GALNTL6: variants seen among roughly 807,000 people sequenced by gnomAD.
The protein encoded by GALNTL6 is polypeptide N-acetylgalactosaminyltransferase-like 6.
Under a neutral mutation model 73.7 loss-of-function variants are expected in GALNTL6, and 46 were observed. The observed-to-expected ratio is 0.62, with a 90% confidence interval of 0.49 to 0.80. The LOEUF is 0.80. GALNTL6 is among the 30% of genes least tolerant of loss of function. The pLI is 0.00. For missense variants in GALNTL6, 604 were observed against 755.0 expected (o/e 0.80, Z 2.34); for synonymous variants, 259 against 263.7 (o/e 0.98, Z 0.17).
At chr4:172,403,736 G>A (rs756636039) in intron 5 of GALNTL6, among the ~76,000 whole-genome samples, 4 of 151,858 alleles carry the variant, frequency 2.6e-5, no homozygotes, top group Admixed American at 6.6e-5. Flanking sequence ...ATTTACATTC[G>A]ATTTCCAAAG....
chr4:172,960,867 AATGGAGGGTGGAAGGCTGCCC>A (rs780654917), intron 10 of GALNTL6, among the ~76,000 whole-genome samples: 19 of 152,090 alleles, frequency 1.2e-4, no homozygotes, highest in Non-Finnish European at 2.5e-4. Context: ...AAGAAGGAGG[AATGGAGGGTGGAAGGCTGCCC>A]ATAGTGAAGG....
chr4:172,178,200 A>G (rs1157064195), intron 2 of GALNTL6, among the ~76,000 whole-genome samples: 1 of 152,156 alleles, frequency 6.6e-6, no homozygotes, highest in East Asian at 1.9e-4. Flanking sequence ...TTGTTATAAG[A>G]ATTAGAGATA....
At chr4:172,540,052 T>C (rs889761309) in intron 5 of GALNTL6, among the ~76,000 whole-genome samples, 1 of 90,096 alleles carries the variant, frequency 1.1e-5, no homozygotes, top group African/African-American at 3.5e-5. Context: ...TCTTTCTTTC[T>C]TTTTTTTTTT....
intron 2 of GALNTL6, among the ~76,000 whole-genome samples, chr4:172,138,490 TATATATATATA>T (rs1733700775): frequency 1.5e-4 from 1 of 6,580 alleles, no homozygotes; most frequent in Non-Finnish European, 5.7e-4. Context: ...TATATATATA[TATATATATATA>T]TATATATATA....
chr4:172,886,876 T>C (rs1339127425), intron 8 of GALNTL6, among the ~76,000 whole-genome samples: 1 of 152,206 alleles, frequency 6.6e-6, no homozygotes, highest in Non-Finnish European at 1.5e-5. Flanking sequence ...TGCAGGATTG[T>C]TACAAGCAAA....
chr4:172,690,483 G>A (rs1418301361), intron 5 of GALNTL6, among the ~76,000 whole-genome samples: 1 of 152,104 alleles, frequency 6.6e-6, no homozygotes. Context: ...AGATTTTAAT[G>A]TGCCTAATAA....
chr4:172,277,546 A>G (rs934883350), intron 3 of GALNTL6, among the ~76,000 whole-genome samples: 4 of 152,194 alleles, frequency 2.6e-5, no homozygotes, highest in African/African-American at 9.6e-5. Flanking sequence ...CACGTAATTC[A>G]ACCTTGGAGG....
rs1182269089 is a variant in GALNTL6 at position 172,101,257 on chromosome 4, T to G, written c.139-128399T>G. Reference sequence around the variant, plus strand: ...TCCTCTAGGATCCAGGAATCCTGCCTGGGTACTTTGACCACTTTCTATGCT... The same window carrying G: ...TCCTCTAGGATCCAGGAATCCTGCCGGGGTACTTTGACCACTTTCTATGCT... On this transcript the variant is annotated intron_variant, in intron 2 of 12. Coordinates refer to ENST00000506823, the MANE Select transcript of GALNTL6 (RefSeq NM_001034845.3). 2.0e-5 allele frequency among the ~76,000 whole-genome samples: 3 copies of G among 152,314 alleles called. No individual in the cohort carries two copies. The East Asian group carries it at 5.8e-4, about 29-fold the overall frequency.
rs142809608 is a variant in GALNTL6, at chr4:172,998,155, G to A, written c.1372-11023G>A. On this transcript the variant is annotated intron_variant, in intron 10 of 12. Coordinates refer to ENST00000506823, the MANE Select transcript of GALNTL6 (RefSeq NM_001034845.3). ...ACAAGATAGGAAGAAAATCTCTGCA[G>A]GCATAATTTGAAGGAAAGGCACTAG... Among the ~76,000 whole-genome samples the A allele has an allele frequency of 1.4e-3, 208 of 152,286 alleles. 1 individual carries two copies. The highest frequency in any genetic ancestry group is 4.9e-3 in the African/African-American group (202 of 41,540).
At chr4:172,752,418 G>A (rs1047429058) in intron 5 of GALNTL6, among the ~76,000 whole-genome samples, 25 of 151,990 alleles carry the variant, frequency 1.6e-4, no homozygotes, top group African/African-American at 6.0e-4. Context: ...ATCCAATTTT[G>A]CACTTCAAAT....
In GALNTL6 at chr4:172,515,908, C is replaced by T. The variant is rs145219639; in HGVS notation, c.553+167219C>T. ...CAGAACTGTGCCTTTGCACTCTGCT[C>T]GAACCCTTCACCACCCTCAGACCCA... is the stretch of plus-strand genomic sequence containing the variant. On this transcript the variant is annotated intron_variant, in intron 5 of 12. Coordinates refer to ENST00000506823, the MANE Select transcript of GALNTL6 (RefSeq NM_001034845.3). 5.3e-5 allele frequency among the ~76,000 whole-genome samples: 8 copies of T among 152,292 alleles called. No homozygotes were observed. In the East Asian group the frequency reaches 1.5e-3, roughly 29 times the overall value.
intron 5 of GALNTL6, among the ~76,000 whole-genome samples, chr4:172,481,303 C>A (rs934621846): frequency 6.7e-6 from 1 of 148,162 alleles, no homozygotes; most frequent in African/African-American, 2.5e-5. Flanking sequence ...AGTGAAGCTG[C>A]AGACCTTCAT....
At chr4:171,839,420 A>T (rs1408464746) in intron 2 of GALNTL6, among the ~76,000 whole-genome samples, 1 of 152,098 alleles carries the variant, frequency 6.6e-6, no homozygotes, top group East Asian at 1.9e-4. Flanking sequence ...AGGGAAAATA[A>T]AGTCTTTGGT....
At chr4:172,694,680 G>T (rs754045319) in intron 5 of GALNTL6, among the ~76,000 whole-genome samples, 1 of 152,310 alleles carries the variant, frequency 6.6e-6, no homozygotes, top group East Asian at 1.9e-4. Flanking sequence ...CTGGAACAGC[G>T]TGAGGAAAGT....
intron 2 of GALNTL6, among the ~76,000 whole-genome samples, chr4:172,184,712 A>G (rs766176342): frequency 2.0e-5 from 3 of 152,172 alleles, no homozygotes; most frequent in Admixed American, 6.5e-5. Context: ...TTGTGCTGCT[A>G]TAACAGAGTG....
At chr4:172,522,678 CAAAAA>C (rs11342052) in intron 5 of GALNTL6, among the ~76,000 whole-genome samples, 3 of 102,202 alleles carry the variant, frequency 2.9e-5, no homozygotes, top group African/African-American at 1.1e-4. Flanking sequence ...CCCCCCCCCC[CAAAAA>C]AAAAGTGTAT....
At chr4:172,992,416 A>G (rs1751583734) in intron 10 of GALNTL6, among the ~76,000 whole-genome samples, 1 of 152,242 alleles carries the variant, frequency 6.6e-6, no homozygotes, top group South Asian at 2.1e-4. Context: ...TTATTTTACC[A>G]ATAATCTTTA....
chr4:172,190,285 T>A (rs1001658719), intron 2 of GALNTL6, among the ~76,000 whole-genome samples: 18 of 152,188 alleles, frequency 1.2e-4, no homozygotes, highest in Non-Finnish European at 2.5e-4. Flanking sequence ...TTAATTTATT[T>A]AAAAAATATT....
chr4:172,716,558 G>A (rs9312527), intron 5 of GALNTL6, among the ~76,000 whole-genome samples: 122,758 of 151,980 alleles, frequency 0.81, 50,276 homozygotes, highest in Middle Eastern at 0.93. Context: ...CCCATAACGC[G>A]GCCCATGATT....
Sources: allele counts gnomAD v4.1 joint callset (sites outside exome capture counted in the v4.1 genomes callset), GRCh38; gene constraint gnomAD v4.1.1; transcripts MANE v1.5; gene names NCBI Gene and HGNC (gene_info 2026-07-23, HGNC 2026-07-21).